IL1RAPL1: variants seen among roughly 807,000 people sequenced by gnomAD.
The protein encoded by IL1RAPL1 is interleukin 1 receptor accessory protein like 1.
IL1RAPL1 carries 3 observed loss-of-function variants against 48.4 expected under a neutral mutation model. The observed-to-expected ratio is 0.06, with a 90% CI of 0.03 to 0.16. IL1RAPL1 has a LOEUF of 0.16. IL1RAPL1 is among the 10% of genes least tolerant of loss of function. The probability of loss-of-function intolerance (pLI) is 1.00; values close to 1 mark genes in which losing one functional copy is unlikely to be tolerated. For synonymous variants in IL1RAPL1, 185 were observed against 187.7 expected (o/e 0.99, Z 0.12); for missense variants, 349 against 530.6 (o/e 0.66, Z 3.36).
At chrX:29,080,308 G>A (rs180815608) in intron 2 of IL1RAPL1, among the ~76,000 whole-genome samples, 50 of 110,365 alleles carry the variant, frequency 4.5e-4, no homozygotes, top group Non-Finnish European at 7.6e-4. Flanking sequence ...GAGCCCGGAA[G>A]ATTGAGGTTG....
intron 2 of IL1RAPL1, among the ~76,000 whole-genome samples, chrX:29,094,786 A>C: frequency 1.2e-5 from 1 of 83,057 alleles, no homozygotes; most frequent in Non-Finnish European, 2.2e-5. Flanking sequence ...AAAAAAAAAA[A>C]AAAAAAAAAA....
At chrX:29,047,383 A>C (rs1926995137) in intron 2 of IL1RAPL1, among the ~76,000 whole-genome samples, 3 of 112,187 alleles carry the variant, frequency 2.7e-5, no homozygotes, top group Non-Finnish European at 1.9e-5. Context: ...TGTGTCTTGT[A>C]CTTATGGCTG....
Position 29,252,617 on chromosome X carries a change from C to T in IL1RAPL1, c.83-30321C>T, listed in dbSNP as rs1037874863. ...ATTAAATAAATTTCCACACTTGAGA[C>T]GCTGTGTAATTTCATCTAGTTTTGT... On this transcript the variant is annotated intron_variant, in intron 2 of 10. Coordinates refer to ENST00000378993, the MANE Select transcript of IL1RAPL1 (RefSeq NM_014271.4). Among the ~76,000 whole-genome samples the T allele has an allele frequency of 1.9e-4, 12 of 63,201 alleles. No individual in the cohort carries two copies. In the East Asian group the frequency reaches 2.9e-3, roughly 15 times the overall value. The allele number at this position is 63,201 out of a possible 115,157, so 54.9% of individuals were successfully genotyped here.
intron 3 of IL1RAPL1, among the ~76,000 whole-genome samples, chrX:29,376,540 T>A (rs1933626048): frequency 9.1e-6 from 1 of 109,848 alleles, no homozygotes; most frequent in African/African-American, 3.3e-5. Flanking sequence ...TGGCTACTTT[T>A]TTTGCATTTT....
intron 3 of IL1RAPL1, among the ~76,000 whole-genome samples, chrX:29,386,808 G>T (rs1270466016): frequency 3.6e-5 from 4 of 111,658 alleles, no homozygotes; most frequent in Non-Finnish European, 7.5e-5. Flanking sequence ...CTCCCAAAGT[G>T]CTGGGATTAG....
intron 2 of IL1RAPL1, among the ~76,000 whole-genome samples, chrX:29,074,044 G>A (rs1259695096): frequency 9.0e-6 from 1 of 111,490 alleles, no homozygotes; most frequent in Non-Finnish European, 1.9e-5. Flanking sequence ...GTTTGAGGGG[G>A]CAATTTATTG....
intron 3 of IL1RAPL1, among the ~76,000 whole-genome samples, chrX:29,284,894 T>A (rs1291596238): frequency 8.9e-6 from 1 of 112,372 alleles, no homozygotes; most frequent in Non-Finnish European, 1.9e-5. Flanking sequence ...GTCACACTAG[T>A]ACAGTTAAAG....
chrX:29,061,333 G>A (rs1602037130), intron 2 of IL1RAPL1, among the ~76,000 whole-genome samples: 1 of 111,908 alleles, frequency 8.9e-6, no homozygotes, highest in South Asian at 3.7e-4. Flanking sequence ...CAGATGCAGG[G>A]TGTGATAATA....
chrX:29,238,104 CTG>C (rs1445581157), intron 2 of IL1RAPL1, among the ~76,000 whole-genome samples: 1 of 111,145 alleles, frequency 9.0e-6, no homozygotes, highest in Non-Finnish European at 1.9e-5. Context: ...TGTCAGCAAG[CTG>C]TGTTTTCTCG....
At chrX:29,516,862 T>C (rs778226864) in intron 5 of IL1RAPL1, among the ~76,000 whole-genome samples, 14 of 111,566 alleles carry the variant, frequency 1.3e-4, no homozygotes, top group Non-Finnish European at 2.3e-4. Flanking sequence ...TAAATTATTC[T>C]TCAAAAGTGG....
chrX:29,807,475 C>A (rs868648898), intron 6 of IL1RAPL1, among the ~76,000 whole-genome samples: 25 of 107,786 alleles, frequency 2.3e-4, no homozygotes, highest in South Asian at 1.2e-3. Context: ...ATTAGCCGGG[C>A]ATGGTGGCAT....
chrX:28,763,566 T>TA (rs771048865), intron 1 of IL1RAPL1, among the ~76,000 whole-genome samples: 3 of 111,285 alleles, frequency 2.7e-5, no homozygotes, highest in African/African-American at 9.8e-5. Context: ...GTAGTGGAGA[T>TA]AGAGTGAGTG....
chrX:29,278,901 G>A (rs1367266484), intron 2 of IL1RAPL1, among the ~76,000 whole-genome samples: 1 of 112,100 alleles, frequency 8.9e-6, no homozygotes, highest in Non-Finnish European at 1.9e-5. Flanking sequence ...TATTTTTAAA[G>A]TCTTTATTCA....
chrX:28,692,128 C>T (rs1935185014), intron 1 of IL1RAPL1, among the ~76,000 whole-genome samples: 2 of 110,784 alleles, frequency 1.8e-5, no homozygotes, highest in African/African-American at 6.6e-5. Context: ...CTGACATTCT[C>T]ACCCAAGAGC....
At chrX:29,228,412 T>C (rs1484455081) in intron 2 of IL1RAPL1, among the ~76,000 whole-genome samples, 1 of 100,525 alleles carries the variant, frequency 9.9e-6, no homozygotes, top group African/African-American at 3.6e-5. Context: ...TGGAGTGCAG[T>C]GATGCGATCT....
intron 3 of IL1RAPL1, among the ~76,000 whole-genome samples, chrX:29,345,399 G>T (rs761927269): frequency 1.8e-5 from 2 of 111,756 alleles, no homozygotes; most frequent in South Asian, 7.4e-4. Flanking sequence ...ACAAGCTCTG[G>T]TTTTCATATT....
At chrX:29,520,255 G>A (rs1012768959) in intron 5 of IL1RAPL1, among the ~76,000 whole-genome samples, 1 of 111,528 alleles carries the variant, frequency 9.0e-6, no homozygotes, top group Non-Finnish European at 1.9e-5. Context: ...CTTTCCTTAC[G>A]TTCCCAGAAA....
At chrX:29,088,672 C>CAAAAAAA (rs1182451817) in intron 2 of IL1RAPL1, among the ~76,000 whole-genome samples, 4 of 32,878 alleles carry the variant, frequency 1.2e-4, no homozygotes, top group East Asian at 8.5e-4. Context: ...CACTCCTTCT[C>CAAAAAAA]AAAAAAAAAA....
intron 2 of IL1RAPL1, among the ~76,000 whole-genome samples, chrX:29,159,581 T>G (rs766481542): frequency 1.7e-3 from 188 of 112,224 alleles, no homozygotes; most frequent in African/African-American, 5.8e-3. Context: ...GACACACATT[T>G]TTGATAGAAA....
Sources: allele counts gnomAD v4.1 joint callset (sites outside exome capture counted in the v4.1 genomes callset), GRCh38; gene constraint gnomAD v4.1.1; transcripts MANE v1.5; gene names NCBI Gene and HGNC (gene_info 2026-07-23, HGNC 2026-07-21).